TRMT9B: variants seen among roughly 807,000 people sequenced by gnomAD.
TRMT9B encodes probable tRNA methyltransferase 9B.
In TRMT9B, 16 loss-of-function variants were observed where a neutral mutation model predicts 11.5. That is an observed-to-expected ratio of 1.39 (90% CI 0.94 to 2.11). The LOEUF (loss-of-function observed/expected upper bound fraction) is 2.11. Among genes scored for constraint, TRMT9B ranks in the 30% most tolerant of loss-of-function variants. The pLI is 0.00. For synonymous variants in TRMT9B, 274 were observed against 192.4 expected, an observed-to-expected ratio of 1.42 and a Z score of -3.51; for missense variants, 941 against 553.8, an observed-to-expected ratio of 1.70 and a Z score of -7.02.
At chr8:13,009,100 A>G (rs1199269270) in intron 3 of TRMT9B, among the ~76,000 whole-genome samples, 1 of 152,124 alleles carries the variant, frequency 6.6e-6, no homozygotes, top group Non-Finnish European at 1.5e-5. Context: ...GTCATTTGCG[A>G]CAACACGGAG....
chr8:12,959,331 A>G (rs1267345837), intron 1 of TRMT9B, among the ~76,000 whole-genome samples: 1 of 152,112 alleles, frequency 6.6e-6, no homozygotes, highest in African/African-American at 2.4e-5. Context: ...ACGCAGTCCA[A>G]ACTTTGTTTC....
intron 2 of TRMT9B, among the ~76,000 whole-genome samples, chr8:12,995,102 A>G (rs1426694854): frequency 6.6e-6 from 1 of 152,220 alleles, no homozygotes; most frequent in African/African-American, 2.4e-5. Context: ...CTCACTGAAA[A>G]TTTCCCTTTT....
chr8:12,995,646 C>A (rs2030429), intron 2 of TRMT9B, among the ~76,000 whole-genome samples: 4 of 152,152 alleles, frequency 2.6e-5, no homozygotes, highest in African/African-American at 9.7e-5. Flanking sequence ...TACTGATACA[C>A]ATGTTTGTCT....
rs531892832 is a variant in TRMT9B, at chr8:12,952,774, C to T, written c.-200+6808C>T. On this transcript the variant is annotated intron_variant, in intron 1 of 4. Transcript: ENST00000524591. ...TGTTGTTGTTTGACGGAGTCTCTCT[C>T]TGTCACCCAGGCTGGAGTGCAATGG... is the stretch of plus-strand genomic sequence containing the variant. 105 of 772,572 alleles carry T rather than the reference C, an allele frequency of 1.4e-4. No individual in the cohort carries two copies. The African/African-American group carries it at 1.9e-3, about 14-fold the overall frequency. The allele number at this position is 772,572 out of a possible 1,614,324, so 47.9% of individuals were successfully genotyped here. A position where few individuals can be genotyped will look rare whatever the true frequency, so the allele number is the denominator to read the frequency against.
chr8:12,957,238 ACTGT>A (rs1801438250), intron 1 of TRMT9B, among the ~76,000 whole-genome samples: 1 of 152,202 alleles, frequency 6.6e-6, no homozygotes, highest in African/African-American at 2.4e-5. Flanking sequence ...AGAAGTAGCA[ACTGT>A]CTGGGCCCAT....
intron 2 of TRMT9B, among the ~76,000 whole-genome samples, chr8:12,996,487 T>G (rs996678547): frequency 1.3e-5 from 2 of 152,186 alleles, no homozygotes; most frequent in African/African-American, 4.8e-5. Context: ...TACTATGACA[T>G]AATCTTATTG....
intron 1 of TRMT9B, among the ~76,000 whole-genome samples, chr8:12,950,537 T>TTTTCTTTCTTTCTTTCTTTCTTTCTTTC (rs59371113): frequency 6.6e-4 from 98 of 149,478 alleles, no homozygotes; most frequent in South Asian, 4.4e-3. Flanking sequence ...ACTCGTGGTT[T>TTTTCTTTCTTTCTTTCTTTCTTTCTTTC]TTTCTTTCTT....
intron 1 of TRMT9B, among the ~76,000 whole-genome samples, chr8:12,982,609 C>T (rs1380495898): frequency 7.9e-5 from 12 of 151,942 alleles, no homozygotes; most frequent in Non-Finnish European, 1.8e-4. Flanking sequence ...TTGCAGTGAG[C>T]CGAGATTGCG....
At chr8:13,010,741 C>A (rs1811433350) in intron 3 of TRMT9B, 1 of 983,928 alleles carries the variant, frequency 1.0e-6, no homozygotes, top group Non-Finnish European at 1.2e-6. Flanking sequence ...ATCCCTCGAG[C>A]CAATGAAAAA....
intron 3 of TRMT9B, chr8:13,011,671 T>C: frequency 2.0e-6 from 2 of 980,246 alleles, no homozygotes; most frequent in Non-Finnish European, 2.4e-6. Flanking sequence ...CTCAATGATC[T>C]AAATATTTGG....
At chr8:12,965,574 T>C (rs145222850) in intron 1 of TRMT9B, among the ~76,000 whole-genome samples, 3 of 152,216 alleles carry the variant, frequency 2.0e-5, no homozygotes, top group Non-Finnish European at 2.9e-5. Context: ...AGTCTTTTTC[T>C]TCATATTTTT....
rs189139319 is a variant in TRMT9B at position 12,958,151 on chromosome 8, G to T, written c.-200+12185G>T. Among the ~76,000 whole-genome samples, 211 of 152,298 alleles carry T rather than the reference G, an allele frequency of 1.4e-3. 6 individuals are homozygous for T. Among genetic ancestry groups the T allele is most frequent in the Admixed American group, 0.013 (193 of 15,300 alleles). ...ATTTTCAAGGTTCATCCATGTTATAGTGTATATCAGAATCTCCTTTCTTTT... is the reference window on the plus strand; with the variant it reads ...ATTTTCAAGGTTCATCCATGTTATATTGTATATCAGAATCTCCTTTCTTTT... On this transcript the variant is annotated intron_variant, in intron 1 of 4. Transcript: ENST00000524591.
chr8:13,015,954 T>A (rs1003186612), intron 4 of TRMT9B, among the ~76,000 whole-genome samples: 1 of 151,808 alleles, frequency 6.6e-6, no homozygotes, highest in African/African-American at 2.4e-5. Context: ...TTTAGGACTA[T>A]ATTATGGTAG....
At chr8:12,997,141 C>G (rs1304287948) in intron 2 of TRMT9B, among the ~76,000 whole-genome samples, 1 of 151,572 alleles carries the variant, frequency 6.6e-6, no homozygotes, top group African/African-American at 2.4e-5. Flanking sequence ...GGATGTTTGT[C>G]CCCTCCAAAT....
rs187566302 is a variant in TRMT9B at position 13,000,885 on chromosome 8, G to A, written c.-1-5317G>A. Among the ~76,000 whole-genome samples the A allele has an allele frequency of 1.3e-5, 2 of 152,282 alleles. 1 individual carries two copies. Among genetic ancestry groups the A allele is most frequent in the Admixed American group, 1.3e-4 (2 of 15,300 alleles). On this transcript the variant is annotated intron_variant, in intron 2 of 4. Coordinates refer to ENST00000524591, the MANE Select transcript of TRMT9B (RefSeq NM_020844.3). ...ATATTTCAGGGCTAGAACAGGGTAT[G>A]GATTTGAGATTCAAGGTTAGGAAAT...
intron 2 of TRMT9B, among the ~76,000 whole-genome samples, chr8:12,999,466 C>G (rs900756180): frequency 6.6e-6 from 1 of 151,964 alleles, no homozygotes; most frequent in African/African-American, 2.4e-5. Flanking sequence ...GTAAAAACAT[C>G]AAATTATATA....
chr8:13,000,677 AGCTT>A (rs1809263582), intron 2 of TRMT9B, among the ~76,000 whole-genome samples: 1 of 152,202 alleles, frequency 6.6e-6, no homozygotes, highest in African/African-American at 2.4e-5. Flanking sequence ...TTACCTCGTA[AGCTT>A]TACAAGTTGC....
chr8:13,027,041 A>G lies in TRMT9B; in HGVS notation c.*4997A>G, dbSNP rs1488490088. On this transcript the variant is annotated 3_prime_UTR_variant, in exon 5 of 5. Coordinates refer to ENST00000524591, the MANE Select transcript of TRMT9B (RefSeq NM_020844.3). Reference sequence around the variant, plus strand: ...AAATATTCTGGGACCACTTTTCTCCAACTCTTCAACCTTTCAACAATTATA... The same window carrying G: ...AAATATTCTGGGACCACTTTTCTCCGACTCTTCAACCTTTCAACAATTATA... 6.0e-6 allele frequency: 1 copy of G among 167,054 alleles called. No homozygotes were observed. The highest frequency in any genetic ancestry group is 1.9e-4 in the East Asian group (1 of 5,202). 10.3% of individuals were successfully genotyped at this position (167,054 alleles called of 1,614,324 possible).
At chr8:13,005,866 A>G (rs1810365834) in intron 2 of TRMT9B, among the ~76,000 whole-genome samples, 1 of 152,212 alleles carries the variant, frequency 6.6e-6, no homozygotes, top group South Asian at 2.1e-4. Context: ...CATCAGATAC[A>G]ATGGTCTTAT....
Sources: gnomAD v4.1 joint callset for allele counts (sites outside exome capture counted in the v4.1 genomes callset) on GRCh38, gnomAD v4.1.1 for gene constraint, MANE v1.5 for transcripts, NCBI Gene and HGNC (gene_info 2026-07-23, HGNC 2026-07-21) for gene names.